TBPL2: variants seen among roughly 807,000 people sequenced by gnomAD.
TBPL2 encodes the protein TATA box-binding protein-like 2.
In TBPL2, 40 loss-of-function variants were observed where a neutral mutation model predicts 38.2. The observed-to-expected ratio is 1.05, with a 90% CI of 0.81 to 1.36. TBPL2 has a LOEUF of 1.36. TBPL2 is among the 40% of genes most tolerant of loss of function. The probability of loss-of-function intolerance (pLI) is 0.00; values close to 1 mark genes in which losing one functional copy is unlikely to be tolerated. For missense variants in TBPL2, 461 were observed against 456.7 expected (o/e 1.01, Z -0.09); for synonymous variants, 169 against 171.7 (o/e 0.98, Z 0.12).
In TBPL2 at chr14:55,435,948, T is replaced by C; in HGVS notation, c.609-14A>G. On this transcript the variant is annotated splice_polypyrimidine_tract_variant and intron_variant, in intron 2 of 6. Coordinates refer to ENST00000247219, the Ensembl canonical transcript of TBPL2. ...GAAACTATATTCCTGAAGAAATAAG[T>C]CAGTTTAGAAACTTATATCAGATAT... 1.3e-6 allele frequency: 2 copies of C among 1,512,632 alleles called. No homozygotes were observed. The highest frequency in any genetic ancestry group is 1.2e-5 in the South Asian group (1 of 82,064). 93.7% of individuals were successfully genotyped at this position (1,512,632 alleles called of 1,614,324 possible).
chr14:55,414,325 C>T (rs1885636537), exon 7 of TBPL2: 1 of 1,331,168 alleles, frequency 7.5e-7, no homozygotes, highest in South Asian at 1.3e-5. Flanking sequence ...TGTTTCTGTG[C>T]TGGGCTTATG....
intron 5 of TBPL2, among the ~76,000 whole-genome samples, chr14:55,428,286 C>T (rs1319719143): frequency 6.6e-6 from 1 of 151,820 alleles, no homozygotes; most frequent in South Asian, 2.1e-4. Context: ...CCCGCTGCCA[C>T]GCCCGGCTAA....
chr14:55,428,899 G>C (rs149307233), exon 5 of TBPL2: 2 of 1,614,070 alleles, frequency 1.2e-6, no homozygotes, highest in Non-Finnish European at 1.7e-6. Context: ...TTTTAAAATC[G>C]AGGAATCTGG....
chr14:55,424,455 T>C (rs972238134), intron 5 of TBPL2, among the ~76,000 whole-genome samples: 4 of 152,204 alleles, frequency 2.6e-5, no homozygotes, highest in African/African-American at 9.6e-5. Context: ...ATAATTAATT[T>C]TGGGTCATAA....
At chr14:55,438,312 T>C (rs1886049035) in intron 1 of TBPL2, among the ~76,000 whole-genome samples, 1 of 152,190 alleles carries the variant, frequency 6.6e-6, no homozygotes. Context: ...AGAAAGCACT[T>C]AGAATTAAAA....
At chr14:55,427,832 TAC>T (rs35406194) in intron 5 of TBPL2, among the ~76,000 whole-genome samples, 28,878 of 144,712 alleles carry the variant, frequency 0.2, 4,507 homozygotes, top group African/African-American at 0.44. Context: ...TGCAGCTATA[TAC>T]ACACACACAC....
chr14:55,419,546 A>G (rs765732352), intron 6 of TBPL2, among the ~76,000 whole-genome samples: 2 of 152,194 alleles, frequency 1.3e-5, no homozygotes, highest in Non-Finnish European at 2.9e-5. Flanking sequence ...GAACAGTGTA[A>G]GCTGGGCCCA....
At chr14:55,427,468 C>G (rs1885843355) in intron 5 of TBPL2, among the ~76,000 whole-genome samples, 1 of 152,126 alleles carries the variant, frequency 6.6e-6, no homozygotes, top group African/African-American at 2.4e-5. Context: ...GAAAGCACAG[C>G]AATATGATCC....
At chr14:55,422,832 A>G (rs920566857) in intron 6 of TBPL2, among the ~76,000 whole-genome samples, 2 of 152,140 alleles carry the variant, frequency 1.3e-5, no homozygotes, top group South Asian at 2.1e-4. Context: ...CAGCCTGGGC[A>G]ACAGAGTGAG....
rs1566596803 is a variant in TBPL2 at position 55,440,408 on chromosome 14, C to CT, written c.137dup (p.Cys47ValfsTer22). On this transcript the variant is annotated frameshift_variant, in exon 1 of 7. Coordinates refer to ENST00000247219, the Ensembl canonical transcript of TBPL2. LOFTEE classifies it high-confidence loss of function. ...GCGGCAGCCTCACCTGAGCGGCGCA[C>CT]TGGTCCAGGTAGAGCTCCAGGTAGG... The CT allele has an allele frequency of 1.9e-6, 3 of 1,612,990 alleles. No individual in the cohort carries two copies. The Admixed American group carries it at 5.0e-5, about 27-fold the overall frequency.
At chr14:55,437,136 A>G (rs2140180897) in intron 1 of TBPL2, 118 bp from the exon 2 acceptor site, 2 of 874,732 alleles carry the variant, frequency 2.3e-6, no homozygotes, top group East Asian at 2.4e-5. Context: ...AGGCAGTTCA[A>G]GATTGCTTGT....
chr14:55,433,865 A>G, intron 3 of TBPL2, 144 bp from the exon 4 acceptor site: 1 of 605,738 alleles, frequency 1.7e-6, no homozygotes. Context: ...CATTAAGGTT[A>G]ACAAAAATAA....
At chr14:55,422,845 T>C (rs910850410) in intron 6 of TBPL2, among the ~76,000 whole-genome samples, 1 of 152,042 alleles carries the variant, frequency 6.6e-6, no homozygotes, top group African/African-American at 2.4e-5. Context: ...AGAGTGAGAC[T>C]CTGTCTCAAA....
At chr14:55,439,369 G>A (rs1886068375) in intron 1 of TBPL2, among the ~76,000 whole-genome samples, 2 of 151,968 alleles carry the variant, frequency 1.3e-5, no homozygotes. Flanking sequence ...CTTCTAGAGG[G>A]AGGCCTAGTA....
At chr14:55,414,220 G>C (rs76994124) in exon 7 of TBPL2, 1 of 593,118 alleles carries the variant, frequency 1.7e-6, no homozygotes, top group Non-Finnish European at 3.0e-6. Flanking sequence ...TTTTGAATAA[G>C]AATTTTTCTT....
chr14:55,428,255 G>A (rs1325935138), intron 5 of TBPL2, among the ~76,000 whole-genome samples: 5 of 148,800 alleles, frequency 3.4e-5, no homozygotes, highest in Admixed American at 6.9e-5. Context: ...TCAGCCTCCC[G>A]AGTAGCTGGG....
intron 5 of TBPL2, among the ~76,000 whole-genome samples, chr14:55,424,846 A>C (rs972912794): frequency 3.7e-4 from 56 of 152,286 alleles, no homozygotes; most frequent in African/African-American, 1.3e-3. Context: ...CCATGGAGCG[A>C]AAGATGATAG....
intron 5 of TBPL2, among the ~76,000 whole-genome samples, chr14:55,427,115 G>A (rs769315574): frequency 2.4e-4 from 37 of 152,172 alleles, no homozygotes; most frequent in Non-Finnish European, 4.7e-4. Flanking sequence ...TTAAGCACTG[G>A]GAGACTCTTA....
chr14:55,433,813 A>C, intron 3 of TBPL2, 92 bp from the exon 4 acceptor site: 4 of 1,117,000 alleles, frequency 3.6e-6, no homozygotes, highest in Non-Finnish European at 5.2e-6. Flanking sequence ...AATCTCAAAC[A>C]GATTGGATGG....
Sources: allele counts gnomAD v4.1 joint callset (sites outside exome capture counted in the v4.1 genomes callset), GRCh38; gene constraint gnomAD v4.1.1; transcripts MANE v1.5; gene names NCBI Gene and HGNC (gene_info 2026-07-23, HGNC 2026-07-21).